Variants in CRYBG1 observed in about 807,000 individuals in gnomAD.
The protein encoded by CRYBG1 is beta/gamma crystallin domain-containing protein 1.
In CRYBG1, 139 loss-of-function variants were observed where a neutral mutation model predicts 189.2. The observed-to-expected ratio is 0.73, with a 90% CI of 0.64 to 0.85. The LOEUF (loss-of-function observed/expected upper bound fraction) is 0.85. Ranked by LOEUF, CRYBG1 falls within the 40% of genes least tolerant of loss-of-function variation. The probability of loss-of-function intolerance (pLI) is 0.00; values close to 1 mark genes in which losing one functional copy is unlikely to be tolerated. For missense variants in CRYBG1, 2,611 were observed against 2,675.8 expected (o/e 0.98, Z 0.53); for synonymous variants, 1,023 against 1,017.1 (o/e 1.01, Z -0.11).
At chr6:106,441,131 A>G (rs1771558296) in intron 1 of CRYBG1, among the ~76,000 whole-genome samples, 1 of 152,218 alleles carries the variant, frequency 6.6e-6, no homozygotes, top group Admixed American at 6.5e-5. Context: ...AAGCATTAAT[A>G]GAAAACCCAA....
At chr6:106,545,957 G>A (rs1774259004) in intron 13 of CRYBG1, among the ~76,000 whole-genome samples, 1 of 152,216 alleles carries the variant, frequency 6.6e-6, no homozygotes, top group South Asian at 2.1e-4. Flanking sequence ...TGGGATTACA[G>A]GCATGAGCCA....
At chr6:106,540,066 G>A (rs2114568356) in intron 9 of CRYBG1, among the ~76,000 whole-genome samples, 1 of 152,346 alleles carries the variant, frequency 6.6e-6, no homozygotes, top group Non-Finnish European at 1.5e-5. Context: ...ACACGAGTGG[G>A]TGGTGTCTTG....
chr6:106,552,277 C>T, intron 15 of CRYBG1, 61 bp downstream of exon 15: 2 of 1,217,020 alleles, frequency 1.6e-6, no homozygotes, highest in Non-Finnish European at 2.3e-6. Context: ...AAAAGCTGAA[C>T]TTATGTTTCA....
chr6:106,413,484 C>T (rs750244044), intron 1 of CRYBG1, among the ~76,000 whole-genome samples: 6 of 152,114 alleles, frequency 3.9e-5, no homozygotes, highest in Non-Finnish European at 7.4e-5. Flanking sequence ...TGAGACCAGT[C>T]TGGCCAAGAT....
In CRYBG1 at chr6:106,454,133, C is replaced by T. The variant is rs116061832; in HGVS notation, c.312+2301C>T. 4.3e-3 allele frequency among the ~76,000 whole-genome samples: 662 copies of T among 152,262 alleles called. 6 individuals carry two copies. Among genetic ancestry groups the T allele is most frequent in the African/African-American group, 0.015 (627 of 41,534 alleles). ...CATCTGCCTGTTGTCTCCCTCTCTCCCCATCTCCATCATCCCTTCTCCCCT... is the reference window on the plus strand; with the variant it reads ...CATCTGCCTGTTGTCTCCCTCTCTCTCCATCTCCATCATCCCTTCTCCCCT... On this transcript the variant is annotated intron_variant, in intron 2 of 21. Coordinates refer to ENST00000633556, the MANE Select transcript of CRYBG1 (RefSeq NM_001371242.2).
chr6:106,491,822 A>G (rs2114494281), intron 2 of CRYBG1, among the ~76,000 whole-genome samples: 1 of 152,196 alleles, frequency 6.6e-6, no homozygotes, highest in East Asian at 1.9e-4. Flanking sequence ...AAGTTTTCAT[A>G]TTTCCCATGA....
intron 4 of CRYBG1, among the ~76,000 whole-genome samples, chr6:106,524,877 A>C (rs569965348): frequency 2.0e-4 from 30 of 152,370 alleles, no homozygotes; most frequent in African/African-American, 7.2e-4. Context: ...TGAATTTTCT[A>C]GCATTGGTGG....
chr6:106,463,366 T>C (rs537403479), intron 2 of CRYBG1, among the ~76,000 whole-genome samples: 1 of 152,324 alleles, frequency 6.6e-6, no homozygotes, highest in African/African-American at 2.4e-5. Flanking sequence ...ATACATTTGC[T>C]TTGTTTTGCA....
In CRYBG1 at chr6:106,519,834, C is replaced by T; in HGVS notation, c.2626C>T (p.Leu876=). The T allele has an allele frequency of 6.2e-7, 1 of 1,614,214 alleles. No homozygotes were observed. Among genetic ancestry groups the T allele is most frequent in the African/African-American group, 1.3e-5 (1 of 75,058 alleles). ...GTCATCTCCTGGGCCTTCTCTTTCA[C>T]TGTCTGCACCCGCTCCTGGGGATGT... ...AESSPGPSLS[L]SAPAPGDVPK... The change falls in exon 4 of 22, where the codon CTG becomes TTG. Residue 876 remains leucine, a synonymous_variant. Coordinates refer to ENST00000633556, the MANE Select transcript of CRYBG1 (RefSeq NM_001371242.2).
At chr6:106,553,310 A>G (rs1467006929) in intron 15 of CRYBG1, 145 bp from the exon 16 acceptor site, 2 of 609,814 alleles carry the variant, frequency 3.3e-6, no homozygotes, top group African/African-American at 3.7e-5. Flanking sequence ...GAATGTAGAC[A>G]TGGAAAATTA....
chr6:106,500,318 C>T (rs1772974949), intron 2 of CRYBG1, among the ~76,000 whole-genome samples: 1 of 151,842 alleles, frequency 6.6e-6, no homozygotes, highest in Non-Finnish European at 1.5e-5. Flanking sequence ...CTCATCAACA[C>T]TTATCTTTCA....
At chr6:106,364,687 A>C (rs2114287597) in intron 1 of CRYBG1, among the ~76,000 whole-genome samples, 1 of 152,372 alleles carries the variant, frequency 6.6e-6, no homozygotes, top group Non-Finnish European at 1.5e-5. Context: ...GCCACTTAGC[A>C]GCCACTAGTG....
intron 2 of CRYBG1, among the ~76,000 whole-genome samples, chr6:106,468,331 A>C (rs532333273): frequency 2.6e-5 from 4 of 152,302 alleles, no homozygotes; most frequent in African/African-American, 9.6e-5. Context: ...GGGGTAGCAC[A>C]GTTAAGGGAA....
At chr6:106,455,976 A>G (rs572284072) in intron 2 of CRYBG1, among the ~76,000 whole-genome samples, 2 of 152,222 alleles carry the variant, frequency 1.3e-5, no homozygotes, top group East Asian at 3.9e-4. Context: ...TTTATAAGTC[A>G]CTTGTCTGAA....
intron 2 of CRYBG1, among the ~76,000 whole-genome samples, chr6:106,483,397 T>G (rs1051735415): frequency 7.6e-6 from 1 of 130,908 alleles, no homozygotes; most frequent in African/African-American, 2.5e-5. Flanking sequence ...TATAGATATA[T>G]ATATAAAACA....
At chr6:106,405,263 G>T (rs1458409398) in intron 1 of CRYBG1, among the ~76,000 whole-genome samples, 1 of 152,222 alleles carries the variant, frequency 6.6e-6, no homozygotes, top group Non-Finnish European at 1.5e-5. Flanking sequence ...AAACAAAGCT[G>T]CTGGGAAGTT....
At position 106,560,918 on chromosome 6, in the gene CRYBG1, T is replaced by C; in HGVS notation, c.5971T>C (p.Phe1991Leu). 6.2e-7 allele frequency: 1 copy of C among 1,603,796 alleles called. No individual in the cohort carries two copies. The highest frequency in any genetic ancestry group is 1.1e-5 in the South Asian group (1 of 89,248). ...GCRQIGSLRP[F>L]VQKRIYFRLR... Reference sequence around the variant, plus strand: ...TCGCCAAATAGGTTCTCTACGACCTTTTGTTCAGGTATTTTCTTCCTCTCC... The same window carrying C: ...TCGCCAAATAGGTTCTCTACGACCTCTTGTTCAGGTATTTTCTTCCTCTCC... Residue 1991 changes from phenylalanine to leucine, a missense_variant, in exon 19 of 22, where the codon TTT becomes CTT. Physicochemically the swap from Phe to Leu is conservative, Grantham distance 22. Transcript: ENST00000633556.
chr6:106,374,888 C>T (rs1265787017), intron 1 of CRYBG1, among the ~76,000 whole-genome samples: 8 of 152,066 alleles, frequency 5.3e-5, no homozygotes, highest in East Asian at 1.9e-4. Flanking sequence ...CATGTACTTA[C>T]GACATCAGCA....
Position 106,469,703 on chromosome 6 carries a change from C to A in CRYBG1, c.312+17871C>A, listed in dbSNP as rs1772190560. ...ATTAACCATCCCTGGGCAGTCAAGTCCAAAACCTGTTTTGTTCCCTTGTGC... is the reference window on the plus strand; with the variant it reads ...ATTAACCATCCCTGGGCAGTCAAGTACAAAACCTGTTTTGTTCCCTTGTGC... On this transcript the variant is annotated intron_variant, in intron 2 of 21. Transcript: ENST00000633556. Among the ~76,000 whole-genome samples, 2 of 152,128 alleles carry A rather than the reference C, an allele frequency of 1.3e-5. 1 individual carries two copies. Among genetic ancestry groups the A allele is most frequent in the South Asian group, 4.1e-4 (2 of 4,826 alleles).
Sources: gnomAD v4.1 joint callset for allele counts (sites outside exome capture counted in the v4.1 genomes callset) on GRCh38, gnomAD v4.1.1 for gene constraint, MANE v1.5 for transcripts, NCBI Gene and HGNC (gene_info 2026-07-23, HGNC 2026-07-21) for gene names.